KLHL11: variants seen among roughly 807,000 people sequenced by gnomAD.
The protein encoded by KLHL11 is kelch-like protein 11.
In KLHL11, 26 loss-of-function variants were observed where a neutral mutation model predicts 56.1. The observed-to-expected ratio is 0.46, with a 90% CI of 0.34 to 0.64. The LOEUF is 0.64. KLHL11 is among the 30% of genes least tolerant of loss of function. KLHL11 has a pLI of 0.01. For synonymous variants in KLHL11, 338 were observed against 345.8 expected (o/e 0.98, Z 0.25); for missense variants, 627 against 919.4 (o/e 0.68, Z 4.11).
rs541941280 is a variant in KLHL11, at chr17:41,851,780, G to A, written c.*1960C>T. ...AAAAAAATTAGCTGGGCGTGGTGGC[G>A]CGTGCCCATAGTCCCAGCTACTCCG... On this transcript the variant is annotated 3_prime_UTR_variant, in exon 2 of 2. Transcript: ENST00000319121. Among the ~76,000 whole-genome samples the A allele has an allele frequency of 3.3e-5, 5 of 151,368 alleles. No homozygotes were observed. Among genetic ancestry groups the A allele is most frequent in the South Asian group, 2.1e-4 (1 of 4,760 alleles).
In KLHL11 at chr17:41,852,764, C is replaced by A. The variant is rs1374667555; in HGVS notation, c.*976G>T. On this transcript the variant is annotated 3_prime_UTR_variant, in exon 2 of 2. Transcript: ENST00000319121. ...CGAGATTGCACCACTGCACTCCAGC[C>A]TGGGCAACATGAGCAAAAAAAAAAA... Among the ~76,000 whole-genome samples the A allele has an allele frequency of 7.0e-5, 10 of 143,380 alleles. No homozygotes were observed. Among genetic ancestry groups the A allele is most frequent in the Admixed American group, 1.4e-4 (2 of 13,946 alleles). 94.1% of individuals were successfully genotyped at this position (143,380 alleles called of 152,430 possible).
chr17:41,865,338 C>CGCCGCCGCCGCCGCCACT lies in KLHL11; in HGVS notation c.15_32dup (p.Val6_Ala11dup). On this transcript the variant is annotated inframe_insertion, in exon 1 of 2. Coordinates refer to ENST00000319121, the MANE Select transcript of KLHL11 (RefSeq NM_018143.3). ...CCTGAAGAGATGCAGCCGCGGCCGC[C>CGCCGCCGCCGCCGCCACT]GCCGCCGCCGCCGCCACTGCCGCAG... 2 of 1,436,414 alleles carry CGCCGCCGCCGCCGCCACT rather than the reference C, an allele frequency of 1.4e-6. No individual in the cohort carries two copies. Among genetic ancestry groups the CGCCGCCGCCGCCGCCACT allele is most frequent in the Non-Finnish European group, 1.8e-6 (2 of 1,108,090 alleles). 89.0% of individuals were successfully genotyped at this position (1,436,414 alleles called of 1,614,324 possible).
Position 41,853,537 on chromosome 17 carries a change from G to A in KLHL11, c.*203C>T. On this transcript the variant is annotated 3_prime_UTR_variant, in exon 2 of 2. Coordinates refer to ENST00000319121, the MANE Select transcript of KLHL11 (RefSeq NM_018143.3). ...AGCTAGCACAAACAAACAAACCAAA[G>A]ACAAAAATTGCAAGCTAACAAAATG... 1 of 536,068 alleles carries A rather than the reference G, an allele frequency of 1.9e-6. No individual in the cohort carries two copies. Among genetic ancestry groups the A allele is most frequent in the Admixed American group, 3.8e-5 (1 of 26,624 alleles). The allele number at this position is 536,068 out of a possible 1,614,324, so 33.2% of individuals were successfully genotyped here.
At position 41,851,249 on chromosome 17, in the gene KLHL11, CA is replaced by C. The variant is rs1555621980; in HGVS notation, c.*2490del. ...ACATCTTAAAAAACCAAAACAACAA[CA>C]AAAACAAGAAAACCACATTGTAAAC... On this transcript the variant is annotated 3_prime_UTR_variant, in exon 2 of 2. Coordinates refer to ENST00000319121, the MANE Select transcript of KLHL11 (RefSeq NM_018143.3). The C allele has an allele frequency of 6.6e-6, 1 of 152,060 alleles. No individual in the cohort carries two copies. Among genetic ancestry groups the C allele is most frequent in the Non-Finnish European group, 1.5e-5 (1 of 68,000 alleles). 9.4% of individuals were successfully genotyped at this position (152,060 alleles called of 1,614,324 possible).
Position 41,853,868 on chromosome 17 carries a change from G to A in KLHL11, c.1999C>T (p.His667Tyr), listed in dbSNP as rs782223096. 2 of 1,614,104 alleles carry A rather than the reference G, an allele frequency of 1.2e-6. No individual in the cohort carries two copies. Among genetic ancestry groups the A allele is most frequent in the Non-Finnish European group, 1.7e-6 (2 of 1,180,048 alleles). Reference sequence around the variant, plus strand: ...GGCATAGGGTATCTCTGTGTGCCATGCAAGTACCGGTATGGGATCCTCACG... The same window carrying A: ...GGCATAGGGTATCTCTGTGTGCCATACAAGTACCGGTATGGGATCCTCACG... ...CHVRIPYRYLHGTQRYPMPQN... is the reference protein window; with the variant it reads ...CHVRIPYRYLYGTQRYPMPQN... The change falls in exon 2 of 2, where the codon CAT becomes TAT. Residue 667 changes from histidine (H) to tyrosine (Y), a missense_variant. Around this residue, in one of 4 missense-constraint regions of KLHL11, gnomAD observed 250 missense variants for 360.6 expected, o/e 0.69. Coordinates refer to ENST00000319121, the MANE Select transcript of KLHL11 (RefSeq NM_018143.3).
chr17:41,862,029 C>T (rs2144163860), intron 1 of KLHL11, among the ~76,000 whole-genome samples: 1 of 152,238 alleles, frequency 6.6e-6, no homozygotes, highest in African/African-American at 2.4e-5. Flanking sequence ...ACACGACTGG[C>T]TACTCCCTCC....
rs12051869 is a variant in KLHL11, at chr17:41,861,673, G to A, written c.545+3153C>T. ...TGCACTCCAGCCTGGGAAACAGAGCGAGACTCTTGTCTCAAAAAAAAAAAA... is the reference window on the plus strand; with the variant it reads ...TGCACTCCAGCCTGGGAAACAGAGCAAGACTCTTGTCTCAAAAAAAAAAAA... On this transcript the variant is annotated intron_variant, in intron 1 of 1. Coordinates refer to ENST00000319121, the MANE Select transcript of KLHL11 (RefSeq NM_018143.3). Among the ~76,000 whole-genome samples the A allele has an allele frequency of 2.5e-4, 30 of 118,866 alleles. No homozygotes were observed. The East Asian group carries it at 5.5e-3, about 22-fold the overall frequency. The allele number at this position is 118,866 out of a possible 152,430, so 78.0% of individuals were successfully genotyped here.
In KLHL11 at chr17:41,854,506, T is replaced by A. The variant is rs2048353254; in HGVS notation, c.1361A>T (p.Lys454Met). 6.2e-7 allele frequency: 1 copy of A among 1,614,222 alleles called. No homozygotes were observed. Among genetic ancestry groups the A allele is most frequent in the East Asian group, 2.2e-5 (1 of 44,890 alleles). ...GCCATGTCCTCCAATGCTATAGAGC[T>A]TCCCTTTGACTTCTGTTAGTCCAAA... is the stretch of plus-strand genomic sequence containing the variant. Reference protein sequence around the residue: ...HSFGLTEVKGKLYSIGGHGNF... With the variant: ...HSFGLTEVKGMLYSIGGHGNF... Residue 454 changes from lysine (K) to methionine (M), a missense_variant, in exon 2 of 2, where the codon AAG becomes ATG. By Grantham distance (95) the Lys-to-Met change is moderately conservative. This residue lies in a region of KLHL11 where 250 missense variants were observed against 360.6 expected (regional missense o/e 0.69). Transcript: ENST00000319121. This position sits in a 1 kb window ranked among gnomAD's most constrained non-coding sequence, Gnocchi z 4.9.
chr17:41,860,324 TTATTA>T (rs2048394839), intron 1 of KLHL11, among the ~76,000 whole-genome samples: 1 of 151,168 alleles, frequency 6.6e-6, no homozygotes, highest in African/African-American at 2.4e-5. Context: ...GCACATCCTA[TTATTA>T]TATTTCTGAT....
At chr17:41,863,508 T>C (rs1205758588) in intron 1 of KLHL11, among the ~76,000 whole-genome samples, 2 of 152,194 alleles carry the variant, frequency 1.3e-5, no homozygotes, top group African/African-American at 4.8e-5. Context: ...CACATCCTTT[T>C]TTCAGCACAG....
chr17:41,863,503 CCTT>C (rs1187449508), intron 1 of KLHL11, among the ~76,000 whole-genome samples: 1 of 152,190 alleles, frequency 6.6e-6, no homozygotes, highest in Non-Finnish European at 1.5e-5. Flanking sequence ...GCCGCCACAT[CCTT>C]TTTTCAGCAC....
chr17:41,860,393 G>A (rs1413638354), intron 1 of KLHL11, among the ~76,000 whole-genome samples: 3 of 151,070 alleles, frequency 2.0e-5, no homozygotes, highest in Non-Finnish European at 4.4e-5. Flanking sequence ...TATGTACTTA[G>A]GGGTTTTGGG....
chr17:41,854,563 T>C lies in KLHL11; in HGVS notation c.1304A>G (p.His435Arg). ...RYNPNLNTWE[H>R]VCSLMTRKHS... is the part of the protein sequence containing the mutation. The stretch of plus-strand genomic sequence containing the variant: ...CTTTCTTGTCATCAGACTACAAACA[T>C]GTTCCCATGTATTCAAATTTGGGTT... The change falls in exon 2 of 2, where the codon CAT (histidine) becomes CGT (arginine). Residue 435 changes from histidine to arginine, a missense_variant. Physicochemically the swap from His to Arg is conservative, Grantham distance 29 (BLOSUM62 0). Coordinates refer to ENST00000319121, the MANE Select transcript of KLHL11 (RefSeq NM_018143.3). This position sits in a 1 kb window ranked among gnomAD's most constrained non-coding sequence, Gnocchi z 4.9. 6.2e-7 allele frequency: 1 copy of C among 1,614,224 alleles called. No homozygotes were observed. The highest frequency in any genetic ancestry group is 8.5e-7 in the Non-Finnish European group (1 of 1,180,040).
At chr17:41,855,482 G>A (rs138109987) in intron 1 of KLHL11, among the ~76,000 whole-genome samples, 161 bp from the exon 2 acceptor site, 6 of 152,170 alleles carry the variant, frequency 3.9e-5, no homozygotes, top group East Asian at 1.9e-4. Flanking sequence ...GGGTTCCAGC[G>A]ATTCTCCTGC....
chr17:41,861,124 C>G (rs1454957775), intron 1 of KLHL11, among the ~76,000 whole-genome samples: 1 of 152,176 alleles, frequency 6.6e-6, no homozygotes, highest in Non-Finnish European at 1.5e-5. Context: ...CTGACAGAAA[C>G]TTTTCCCACA....
Position 41,854,419 on chromosome 17 carries a change from T to A in KLHL11, c.1448A>T (p.Asn483Ile). Reference sequence around the variant, plus strand: ...AAGAATCTTTGGTGCCGATTCCAAGTTGTGCCATTTATCAAGCTCAGGATT... The same window carrying A: ...AAGAATCTTTGGTGCCGATTCCAAGATGTGCCATTTATCAAGCTCAGGATT... ...VYNPELDKWH[N>I]LESAPKILRD... The change falls in exon 2 of 2, where the codon AAC becomes ATC. Residue 483 changes from asparagine to isoleucine, a missense_variant. By Grantham distance (149) the Asn-to-Ile change is moderately radical. Coordinates refer to ENST00000319121, the MANE Select transcript of KLHL11 (RefSeq NM_018143.3). The surrounding 1 kb of genome is among the most constrained non-coding windows in gnomAD (Gnocchi z 4.9). 1 of 1,614,186 alleles carries A rather than the reference T, an allele frequency of 6.2e-7. No individual in the cohort carries two copies. Among genetic ancestry groups the A allele is most frequent in the Non-Finnish European group, 8.5e-7 (1 of 1,180,038 alleles).
rs2048317945 is a variant in KLHL11 at position 41,849,163 on chromosome 17, T to C, written c.*4577A>G. 6.6e-6 allele frequency: 1 copy of C among 152,174 alleles called. No individual in the cohort carries two copies. Among genetic ancestry groups the C allele is most frequent in the South Asian group, 2.1e-4 (1 of 4,838 alleles). 9.4% of individuals were successfully genotyped at this position (152,174 alleles called of 1,614,324 possible). A position where few individuals can be genotyped will look rare whatever the true frequency, so the allele number is the denominator to read the frequency against. ...CCAAAATGTTTGAGAGACTGAATTG[T>C]TTCTCAAATATTTTGCAGTTAAAGC... On this transcript the variant is annotated 3_prime_UTR_variant, in exon 2 of 2. Transcript: ENST00000319121.
Position 41,850,546 on chromosome 17 carries a change from C to T in KLHL11, c.*3194G>A, listed in dbSNP as rs576281295. ...CACCCTTCCAGTTAAAAACTATTAT[C>T]GTAGTGAGATACTAAATTATTTAAA... On this transcript the variant is annotated 3_prime_UTR_variant, in exon 2 of 2. Transcript: ENST00000319121. 4 of 152,234 alleles carry T rather than the reference C, an allele frequency of 2.6e-5. No homozygotes were observed. The highest frequency in any genetic ancestry group is 2.1e-4 in the South Asian group (1 of 4,826). 9.4% of individuals were successfully genotyped at this position (152,234 alleles called of 1,614,324 possible). A position where few individuals can be genotyped will look rare whatever the true frequency, so the allele number is the denominator to read the frequency against.
At chr17:41,857,380 A>T (rs2048373095) in intron 1 of KLHL11, among the ~76,000 whole-genome samples, 1 of 151,414 alleles carries the variant, frequency 6.6e-6, no homozygotes, top group African/African-American at 2.4e-5. Context: ...GGTGGCGGGC[A>T]CCTGTAATCC....
Sources: gnomAD v4.1 joint callset for allele counts (sites outside exome capture counted in the v4.1 genomes callset) on GRCh38, gnomAD v4.1.1 for gene constraint, gnomAD v4.1.1 regional missense constraint, Gnocchi (gnomAD v3.1) non-coding constraint, MANE v1.5 for transcripts, NCBI Gene and HGNC (gene_info 2026-07-23, HGNC 2026-07-21) for gene names.